DYRK4: variants seen among roughly 807,000 people sequenced by gnomAD.
The protein encoded by DYRK4 is dual specificity tyrosine-phosphorylation-regulated kinase 4.
Under a neutral mutation model 68.3 loss-of-function variants are expected in DYRK4, and 64 were observed. The ratio of observed to expected loss-of-function variants is 0.94; its 90% CI spans 0.77 to 1.15. The LOEUF is 1.15. Ranked by LOEUF, DYRK4 falls within the 50% of genes most tolerant of loss-of-function variation. The pLI is 0.00. For missense variants in DYRK4, 740 were observed against 764.7 expected (o/e 0.97, Z 0.38); for synonymous variants, 274 against 289.9 (o/e 0.95, Z 0.56).
At chr12:4,570,156 G>A (rs940246707) in intron 2 of DYRK4, among the ~76,000 whole-genome samples, 3 of 151,804 alleles carry the variant, frequency 2.0e-5, no homozygotes, top group African/African-American at 7.3e-5. Flanking sequence ...TAGTAGGATC[G>A]CTTGAGCCCA....
At chr12:4,574,802 C>A (rs1299878437) in intron 2 of DYRK4, among the ~76,000 whole-genome samples, 3 of 152,202 alleles carry the variant, frequency 2.0e-5, no homozygotes, top group Non-Finnish European at 4.4e-5. Flanking sequence ...ACTGCAGCCT[C>A]CGCCTCCCCA....
chr12:4,599,278 T>TG lies in DYRK4; in HGVS notation c.1044+112_1044+113insG, dbSNP rs1484079212. On this transcript the variant is annotated intron_variant, in intron 9 of 14. Transcript: ENST00000543431. ...CAAATAATTGCCTTTGACTTTTTTT[T>TG]TTTTTTTTTTTTTTGGTGCTCTACT... is the stretch of plus-strand genomic sequence containing the variant. The TG allele has an allele frequency of 1.1e-5, 12 of 1,126,264 alleles. No individual in the cohort carries two copies. In the Admixed American group the frequency reaches 1.4e-4, roughly 13 times the overall value. The allele number at this position is 1,126,264 out of a possible 1,614,324, so 69.8% of individuals were successfully genotyped here.
intron 10 of DYRK4, chr12:4,601,876 T>TTGTGTG (rs58259135): frequency 0.13 from 21,063 of 157,450 alleles, 1,427 homozygotes; most frequent in East Asian, 0.16. Flanking sequence ...TCTGTAGGGT[T>TTGTGTG]TGTGTGTGTG....
chr12:4,610,120 C>G, intron 12 of DYRK4, 35 bp from the exon 13 acceptor site: 1 of 1,541,172 alleles, frequency 6.5e-7, no homozygotes, highest in Non-Finnish European at 8.7e-7. Flanking sequence ...AAGATTTACA[C>G]CTGAAACTAA....
intron 11 of DYRK4, among the ~76,000 whole-genome samples, chr12:4,606,565 C>A (rs1945154581): frequency 6.6e-6 from 1 of 152,198 alleles, no homozygotes. Flanking sequence ...AGGCATTTCC[C>A]AGCTCTGGAC....
intron 1 of DYRK4, among the ~76,000 whole-genome samples, chr12:4,566,349 T>A (rs942158318): frequency 6.6e-6 from 1 of 152,250 alleles, no homozygotes; most frequent in Non-Finnish European, 1.5e-5. Context: ...CCATCGGCAA[T>A]GTCCAAGGAC....
intron 1 of DYRK4, 135 bp downstream of exon 1, chr12:4,562,418 G>C (rs1944636303): frequency 2.5e-6 from 3 of 1,178,696 alleles, no homozygotes; most frequent in South Asian, 3.3e-5. Context: ...GGGGAATGTG[G>C]GTCAGAGAGA....
chr12:4,613,850 A>G lies in DYRK4; in HGVS notation c.*97A>G, dbSNP rs1945259286. The G allele has an allele frequency of 7.4e-7, 1 of 1,351,274 alleles. No individual in the cohort carries two copies. Among genetic ancestry groups the G allele is most frequent in the Non-Finnish European group, 9.6e-7 (1 of 1,036,504 alleles). 83.7% of individuals were successfully genotyped at this position (1,351,274 alleles called of 1,614,324 possible). On this transcript the variant is annotated 3_prime_UTR_variant, in exon 15 of 15. Transcript: ENST00000543431. The surrounding 1 kb of genome is among the most constrained non-coding windows in gnomAD (Gnocchi z 4.0). The stretch of plus-strand genomic sequence containing the variant: ...ACTTCAGACTGTTTTTTTTAAATAC[A>G]TAAAACTTTATGTTAAAAAACTCTA...
At chr12:4,580,755 A>G in intron 2 of DYRK4, 1 of 449,792 alleles carries the variant, frequency 2.2e-6, no homozygotes, top group Non-Finnish European at 4.4e-6. Flanking sequence ...ATATCACAGA[A>G]GCTGAGCTTC....
rs1189929045 is a variant in DYRK4 at position 4,613,443 on chromosome 12, A to G, written c.1667-72A>G. On this transcript the variant is annotated intron_variant, in intron 14 of 14. Coordinates refer to ENST00000543431, the MANE Select transcript of DYRK4 (RefSeq NM_001394779.1). This position sits in a 1 kb window ranked among gnomAD's most constrained non-coding sequence, Gnocchi z 4.0. ...TCATCGTTTCCACTAAGTGATGTAC[A>G]ACCTAAAGGACAATTAACATATAAT... is the stretch of plus-strand genomic sequence containing the variant. The G allele has an allele frequency of 6.2e-5, 95 of 1,524,088 alleles. No individual in the cohort carries two copies. The highest frequency in any genetic ancestry group is 3.7e-4 in the Middle Eastern group (2 of 5,476). The allele number at this position is 1,524,088 out of a possible 1,614,324, so 94.4% of individuals were successfully genotyped here. A position where few individuals can be genotyped will look rare whatever the true frequency, so the allele number is the denominator to read the frequency against.
At chr12:4,599,569 T>G in intron 9 of DYRK4, 138 bp from the exon 10 acceptor site, 1 of 632,990 alleles carries the variant, frequency 1.6e-6, no homozygotes, top group Non-Finnish European at 2.7e-6. Context: ...GATGATGGGA[T>G]TTTGGAGAGG....
chr12:4,607,924 C>T (rs144475792), intron 12 of DYRK4, among the ~76,000 whole-genome samples: 20 of 152,266 alleles, frequency 1.3e-4, no homozygotes, highest in East Asian at 7.7e-4. Flanking sequence ...TAGTTATGTA[C>T]GTGTCATCTG....
chr12:4,567,979 A>G lies in DYRK4; in HGVS notation c.63A>G (p.Pro21=). Residue 21 remains proline (P), a synonymous_variant, in exon 2 of 15, where the codon CCA becomes CCG. Coordinates refer to ENST00000543431, the MANE Select transcript of DYRK4 (RefSeq NM_001394779.1). ...GGACTCAAATGGATGCTAAAAAGCC[A>G]AGGAAATGTGATTTGACTCCCTTCC... The part of the protein sequence containing the change: ...GTKTQMDAKK[P]RKCDLTPFLV... 1 of 1,536,176 alleles carries G rather than the reference A, an allele frequency of 6.5e-7. No homozygotes were observed. The highest frequency in any genetic ancestry group is 8.7e-7 in the Non-Finnish European group (1 of 1,146,914).
At chr12:4,612,812 A>G in intron 14 of DYRK4, 94 bp downstream of exon 14, 1 of 1,334,274 alleles carries the variant, frequency 7.5e-7, no homozygotes, top group South Asian at 1.2e-5. Flanking sequence ...TTGAAGCCCC[A>G]GTTCTGTAGT....
intron 2 of DYRK4, among the ~76,000 whole-genome samples, chr12:4,583,372 T>C (rs1038467418): frequency 1.3e-5 from 2 of 152,066 alleles, no homozygotes; most frequent in Admixed American, 1.3e-4. Context: ...CCCAACGCCA[T>C]GTGACCCAGT....
At chr12:4,576,059 C>T (rs979018282) in intron 2 of DYRK4, among the ~76,000 whole-genome samples, 11 of 152,154 alleles carry the variant, frequency 7.2e-5, no homozygotes, top group Non-Finnish European at 1.3e-4. Flanking sequence ...CATTAGAGTT[C>T]CTCCTTTGTG....
At chr12:4,575,976 T>C (rs993717334) in intron 2 of DYRK4, among the ~76,000 whole-genome samples, 3 of 152,244 alleles carry the variant, frequency 2.0e-5, no homozygotes, top group African/African-American at 7.2e-5. Context: ...ATTGACATTT[T>C]ACATTCATGT....
At chr12:4,584,557 T>TTTTA in intron 2 of DYRK4, among the ~76,000 whole-genome samples, 1 of 142,446 alleles carries the variant, frequency 7.0e-6, no homozygotes, top group Admixed American at 6.9e-5. Flanking sequence ...TCAGCCTTTT[T>TTTTA]TTTTTTTTTT....
chr12:4,575,318 T>TGTGTGTGTGTGTGTGTGTGTGG, intron 2 of DYRK4, among the ~76,000 whole-genome samples: 1 of 151,744 alleles, frequency 6.6e-6, no homozygotes, highest in Non-Finnish European at 1.5e-5. Context: ...TGTGTGTGTG[T>TGTGTGTGTGTGTGTGTGTGTGG]GTGTTTTCGA....
Sources: gnomAD v4.1 joint callset for allele counts (sites outside exome capture counted in the v4.1 genomes callset) on GRCh38, gnomAD v4.1.1 for gene constraint, Gnocchi (gnomAD v3.1) non-coding constraint, MANE v1.5 for transcripts, NCBI Gene and HGNC (gene_info 2026-07-23, HGNC 2026-07-21) for gene names.